Variants in CNBD1 observed in about 807,000 individuals in gnomAD.
The protein encoded by CNBD1 is cyclic nucleotide binding domain containing 1, also known as cyclic nucleotide-binding domain-containing protein 1.
CNBD1 carries 71 observed loss-of-function variants against 54.4 expected under a neutral mutation model. The observed-to-expected ratio is 1.30, with a 90% CI of 1.08 to 1.59. CNBD1 has a LOEUF of 1.59. Ranked by LOEUF, CNBD1 falls within the 40% of genes most tolerant of loss-of-function variation. The probability of loss-of-function intolerance (pLI) is 0.00; values close to 1 mark genes in which losing one functional copy is unlikely to be tolerated. For missense variants in CNBD1, 659 were observed against 518.0 expected (o/e 1.27, Z -2.64); for synonymous variants, 182 against 170.7 (o/e 1.07, Z -0.51).
At chr8:86,995,209 G>A (rs1808841574) in intron 4 of CNBD1, among the ~76,000 whole-genome samples, 1 of 152,152 alleles carries the variant, frequency 6.6e-6, no homozygotes, top group Non-Finnish European at 1.5e-5. Flanking sequence ...AATGGATGAG[G>A]AGATAAGAAT....
At chr8:87,229,913 G>T (rs1814631121) in intron 5 of CNBD1, among the ~76,000 whole-genome samples, 1 of 152,098 alleles carries the variant, frequency 6.6e-6, no homozygotes, top group Non-Finnish European at 1.5e-5. Context: ...TAATGTATTA[G>T]TCCGTTTTCA....
intron 4 of CNBD1, among the ~76,000 whole-genome samples, chr8:87,126,026 A>C (rs1161445724): frequency 6.6e-6 from 1 of 151,848 alleles, no homozygotes; most frequent in Non-Finnish European, 1.5e-5. Flanking sequence ...TTTATTTCTG[A>C]GTAATATTCT....
chr8:87,088,325 T>A (rs1267479841), intron 4 of CNBD1, among the ~76,000 whole-genome samples: 1 of 152,206 alleles, frequency 6.6e-6, no homozygotes, highest in Non-Finnish European at 1.5e-5. Context: ...ATGCTCTTTC[T>A]ACAGCAAAAC....
intron 4 of CNBD1, among the ~76,000 whole-genome samples, chr8:87,135,421 A>G (rs1812207832): frequency 6.6e-6 from 1 of 151,648 alleles, no homozygotes; most frequent in South Asian, 2.1e-4. Flanking sequence ...AATTTCATGT[A>G]GATATTGCTT....
chr8:87,099,080 C>T (rs1805854523), intron 4 of CNBD1, among the ~76,000 whole-genome samples: 1 of 149,784 alleles, frequency 6.7e-6, no homozygotes, highest in African/African-American at 2.5e-5. Flanking sequence ...AAATTTTGAC[C>T]CTTATGCTTA....
At chr8:87,314,130 A>T (rs955914559) in intron 8 of CNBD1, among the ~76,000 whole-genome samples, 3 of 151,926 alleles carry the variant, frequency 2.0e-5, no homozygotes, top group Non-Finnish European at 4.4e-5. Context: ...ATTCAGTATA[A>T]TATGGGAGCT....
At chr8:87,116,861 C>T (rs1811782314) in intron 4 of CNBD1, among the ~76,000 whole-genome samples, 1 of 152,146 alleles carries the variant, frequency 6.6e-6, no homozygotes, top group South Asian at 2.1e-4. Context: ...CAGAACAATA[C>T]ACACACACTC....
At chr8:87,303,263 A>T (rs1585996364) in intron 8 of CNBD1, among the ~76,000 whole-genome samples, 1 of 151,872 alleles carries the variant, frequency 6.6e-6, no homozygotes, top group African/African-American at 2.4e-5. Context: ...TAACCAAAAC[A>T]GCATGGTACT....
intron 4 of CNBD1, among the ~76,000 whole-genome samples, chr8:86,950,531 T>C (rs1444221587): frequency 2.0e-5 from 3 of 152,186 alleles, no homozygotes; most frequent in Non-Finnish European, 4.4e-5. Context: ...TAATGCATTG[T>C]TGTGTTTAGT....
At chr8:87,389,674 G>A (rs967540730) in intron 2 of CNBD1, among the ~76,000 whole-genome samples, 4 of 152,104 alleles carry the variant, frequency 2.6e-5, no homozygotes, top group East Asian at 1.9e-4. Flanking sequence ...TGGCCATACT[G>A]CCCAAGGTAA....
chr8:87,308,269 G>A (rs1384728102), intron 8 of CNBD1, among the ~76,000 whole-genome samples: 5 of 151,990 alleles, frequency 3.3e-5, no homozygotes, highest in Admixed American at 1.3e-4. Context: ...GTCCTTTTTG[G>A]AACCCTGGAC....
At chr8:87,027,459 A>G (rs1809674064) in intron 4 of CNBD1, among the ~76,000 whole-genome samples, 1 of 152,086 alleles carries the variant, frequency 6.6e-6, no homozygotes, top group South Asian at 2.1e-4. Flanking sequence ...TTTAGTAGAG[A>G]TGGGGTTTCA....
intron 2 of CNBD1, among the ~76,000 whole-genome samples, chr8:87,393,062 G>A (rs1337400566): frequency 1.3e-5 from 2 of 151,844 alleles, no homozygotes; most frequent in Non-Finnish European, 2.9e-5. Context: ...TTAGGACAGA[G>A]GAATTATAAA....
chr8:87,099,828 A>G (rs1586255852), intron 4 of CNBD1, among the ~76,000 whole-genome samples: 1 of 152,342 alleles, frequency 6.6e-6, no homozygotes, highest in East Asian at 1.9e-4. Context: ...TGGGTAAAGT[A>G]TTTGGAATTC....
At chr8:87,301,685 A>C (rs1186697909) in intron 8 of CNBD1, among the ~76,000 whole-genome samples, 5 of 152,156 alleles carry the variant, frequency 3.3e-5, no homozygotes, top group East Asian at 1.9e-4. Context: ...CCCTTCAAAA[A>C]ATCAATGAAT....
chr8:87,113,326 T>G (rs1007434065), intron 4 of CNBD1, among the ~76,000 whole-genome samples: 3 of 152,152 alleles, frequency 2.0e-5, no homozygotes, highest in Admixed American at 6.5e-5. Context: ...AAATTACTAT[T>G]AGTAGGTCAG....
chr8:87,163,592 T>A lies in CNBD1; in HGVS notation c.432-42401T>A, dbSNP rs972049126. Among the ~76,000 whole-genome samples the A allele has an allele frequency of 8.6e-5, 13 of 151,906 alleles. 1 individual carries two copies. The highest frequency in any genetic ancestry group is 8.3e-4 in the South Asian group (4 of 4,830). ...TGTTGCTGTTGTAATTGACATTTTT[T>A]AAAATTTCTTTTTTTCAGATATTTT... On this transcript the variant is annotated intron_variant, in intron 4 of 10. Transcript: ENST00000518476. This position sits in a 1 kb window ranked among gnomAD's most constrained non-coding sequence, Gnocchi z 4.5.
At chr8:87,258,987 C>T (rs11985810) in intron 6 of CNBD1, among the ~76,000 whole-genome samples, 1 of 151,942 alleles carries the variant, frequency 6.6e-6, no homozygotes, top group Non-Finnish European at 1.5e-5. Context: ...ACTAAGCAAA[C>T]ATTTACATTC....
rs1040102175 is a variant in CNBD1, at chr8:87,378,687, G to A, written c.1304-3933G>A. Among the ~76,000 whole-genome samples, 37 of 151,012 alleles carry A rather than the reference G, an allele frequency of 2.5e-4. 1 individual carries two copies. The highest frequency in any genetic ancestry group is 4.0e-4 in the Non-Finnish European group (27 of 67,964). On this transcript the variant is annotated intron_variant, in intron 10 of 10. Coordinates refer to ENST00000518476, the MANE Select transcript of CNBD1 (RefSeq NM_173538.3). Reference sequence around the variant, plus strand: ...TTAAAGTAGTTTTTTCCAATTCTGCGAAGAAAGGCATTGGTAGCTTGATGG... The same window carrying A: ...TTAAAGTAGTTTTTTCCAATTCTGCAAAGAAAGGCATTGGTAGCTTGATGG...
Sources: gnomAD v4.1 joint callset for allele counts (sites outside exome capture counted in the v4.1 genomes callset) on GRCh38, gnomAD v4.1.1 for gene constraint, Gnocchi (gnomAD v3.1) non-coding constraint, MANE v1.5 for transcripts, NCBI Gene and HGNC (gene_info 2026-07-23, HGNC 2026-07-21) for gene names.